The following PAX5 variants were observed in gnomAD, a reference collection of about 807,000 sequenced individuals.
The protein encoded by PAX5 is paired box 5, also known as paired box protein Pax-5.
PAX5 carries 9 observed loss-of-function variants against 43.7 expected under a neutral mutation model. The observed-to-expected ratio is 0.21, with a 90% CI of 0.12 to 0.36. The LOEUF (loss-of-function observed/expected upper bound fraction) is 0.36. PAX5 is among the 10% of genes least tolerant of loss of function. PAX5 has a pLI of 1.00. For missense variants in PAX5, 383 were observed against 532.7 expected, an observed-to-expected ratio of 0.72 and a Z score of 2.77; for synonymous variants, 228 against 214.3, an observed-to-expected ratio of 1.06 and a Z score of -0.56.
intron 1 of PAX5, among the ~76,000 whole-genome samples, chr9:37,021,266 T>A (rs1276367458): frequency 6.6e-6 from 1 of 152,202 alleles, no homozygotes; most frequent in Non-Finnish European, 1.5e-5. Context: ...AATAAACTTA[T>A]ATCTCAGGGA....
At chr9:36,862,520 A>G (rs1438107681) in intron 8 of PAX5, among the ~76,000 whole-genome samples, 2 of 152,168 alleles carry the variant, frequency 1.3e-5, no homozygotes, top group Non-Finnish European at 2.9e-5. Flanking sequence ...ACACAGCCCA[A>G]CAGCAGCGAT....
chr9:36,964,819 C>T lies in PAX5; in HGVS notation c.780+1730G>A, dbSNP rs535436366. 3.7e-4 allele frequency among the ~76,000 whole-genome samples: 57 copies of T among 152,224 alleles called. 2 individuals are homozygous for T. In the Middle Eastern group the frequency reaches 0.017, roughly 45 times the overall value. ...GTCCAAGATCTAGAGTGTGTGGGGG[C>T]GGCTATGCCCAGCACCATAACCATG... is the stretch of plus-strand genomic sequence containing the variant. On this transcript the variant is annotated intron_variant, in intron 6 of 9. Coordinates refer to ENST00000358127, the MANE Select transcript of PAX5 (RefSeq NM_016734.3).
At chr9:36,901,631 C>T (rs866876059) in intron 7 of PAX5, among the ~76,000 whole-genome samples, 7 of 152,184 alleles carry the variant, frequency 4.6e-5, no homozygotes, top group African/African-American at 7.2e-5. Context: ...CAGGGTCAGC[C>T]GCTAAAAGGT....
chr9:36,894,928 G>A (rs111694897), intron 7 of PAX5, among the ~76,000 whole-genome samples: 2,845 of 152,364 alleles, frequency 0.019, 95 homozygotes, highest in African/African-American at 0.065. Context: ...CTTACCAGCC[G>A]TGTGACCTTG....
chr9:37,000,809 G>C (rs1837784441), intron 5 of PAX5, among the ~76,000 whole-genome samples: 1 of 152,172 alleles, frequency 6.6e-6, no homozygotes, highest in Admixed American at 6.5e-5. Context: ...AATCACCTCT[G>C]CATCAGCCAC....
intron 7 of PAX5, among the ~76,000 whole-genome samples, chr9:36,902,132 G>A (rs1828456065): frequency 6.6e-6 from 1 of 152,146 alleles, no homozygotes; most frequent in African/African-American, 2.4e-5. Flanking sequence ...GCAAAGAAAG[G>A]TGAGAGAAAG....
chr9:36,915,013 T>C (rs889494079), intron 7 of PAX5, among the ~76,000 whole-genome samples: 1 of 152,232 alleles, frequency 6.6e-6, no homozygotes, highest in Admixed American at 6.5e-5. Flanking sequence ...GGCTGCATAG[T>C]ATTTTATTGT....
At chr9:36,923,592 G>T in intron 6 of PAX5, 108 bp from the exon 7 acceptor site, 4 of 1,315,642 alleles carry the variant, frequency 3.0e-6, no homozygotes, top group Non-Finnish European at 4.2e-6. Context: ...GTCCATGCCT[G>T]TGCCAAGGCC....
chr9:36,862,655 C>T (rs1215789972), intron 8 of PAX5, among the ~76,000 whole-genome samples: 1 of 152,134 alleles, frequency 6.6e-6, no homozygotes, highest in South Asian at 2.1e-4. Context: ...TGGTCTGAAG[C>T]AGGTAGGTGG....
intron 7 of PAX5, among the ~76,000 whole-genome samples, chr9:36,909,254 A>G (rs1339110455): frequency 1.3e-5 from 2 of 152,232 alleles, no homozygotes; most frequent in Non-Finnish European, 1.5e-5. Context: ...GGAGAGTCCA[A>G]TTTGGATATG....
rs1830342104 is a variant in PAX5 at position 36,923,386 on chromosome 9, C to A, written c.879G>T (p.Val293=). The change falls in exon 7 of 10, where the codon GTG becomes GTT. Residue 293 remains valine (V), a synonymous_variant. Coordinates refer to ENST00000358127, the MANE Select transcript of PAX5 (RefSeq NM_016734.3). ...SPTPADIGSS[V]PGPQSYPIVT... is the part of the protein sequence containing the mutation. ...CAATGGGGTAGGACTGCGGGCCTGG[C>A]ACACTGCTCCCGATGTCAGCAGGGG... 6.2e-7 allele frequency: 1 copy of A among 1,613,290 alleles called. No homozygotes were observed. Among genetic ancestry groups the A allele is most frequent in the African/African-American group, 1.3e-5 (1 of 75,062 alleles).
chr9:36,952,116 A>G (rs550453022), intron 6 of PAX5, among the ~76,000 whole-genome samples: 6 of 150,832 alleles, frequency 4.0e-5, no homozygotes, highest in African/African-American at 1.5e-4. Flanking sequence ...TCATTTATCT[A>G]TGTATTTGGT....
intron 7 of PAX5, among the ~76,000 whole-genome samples, chr9:36,887,703 G>A (rs1451285245): frequency 6.6e-6 from 1 of 152,132 alleles, no homozygotes; most frequent in African/African-American, 2.4e-5. Context: ...AAGGAAATAT[G>A]GGCATAAATC....
intron 8 of PAX5, among the ~76,000 whole-genome samples, chr9:36,854,259 C>G (rs1403469632): frequency 6.6e-6 from 1 of 152,186 alleles, no homozygotes; most frequent in African/African-American, 2.4e-5. Context: ...TGTTGACGAC[C>G]AGAGTGAGCG....
chr9:36,951,645 G>T (rs144396622), intron 6 of PAX5, among the ~76,000 whole-genome samples: 1 of 152,000 alleles, frequency 6.6e-6, no homozygotes, highest in Non-Finnish European at 1.5e-5. Context: ...TCTGGGTCTT[G>T]GTTATTTTAC....
intron 8 of PAX5, among the ~76,000 whole-genome samples, chr9:36,881,111 G>A (rs34339593): frequency 0.48 from 73,574 of 152,120 alleles, 21,252 homozygotes; most frequent in East Asian, 0.68. Flanking sequence ...GAGGTGAAGG[G>A]TATGTTAATT....
At chr9:37,025,358 TCTCTGC>T in intron 1 of PAX5, among the ~76,000 whole-genome samples, 1 of 151,594 alleles carries the variant, frequency 6.6e-6, no homozygotes, top group South Asian at 2.1e-4. Flanking sequence ...TCCAGCCGGG[TCTCTGC>T]TGCCTTTGTT....
intron 7 of PAX5, among the ~76,000 whole-genome samples, chr9:36,911,270 C>T (rs1829259063): frequency 6.6e-6 from 1 of 152,186 alleles, no homozygotes; most frequent in Non-Finnish European, 1.5e-5. Flanking sequence ...TGGCACAGAG[C>T]GAGAGCCCAA....
At chr9:36,856,022 T>C (rs533670352) in intron 8 of PAX5, among the ~76,000 whole-genome samples, 1 of 152,304 alleles carries the variant, frequency 6.6e-6, no homozygotes, top group Admixed American at 6.5e-5. Flanking sequence ...TTCAGGGCTG[T>C]CTGTGACCCT....
Sources: allele counts gnomAD v4.1 joint callset (sites outside exome capture counted in the v4.1 genomes callset), GRCh38; gene constraint gnomAD v4.1.1; transcripts MANE v1.5; gene names NCBI Gene and HGNC (gene_info 2026-07-23, HGNC 2026-07-21).